CNBD1: variants seen among roughly 807,000 people sequenced by gnomAD.
CNBD1 encodes the protein cyclic nucleotide-binding domain-containing protein 1.
Under a neutral mutation model 54.4 loss-of-function variants are expected in CNBD1, and 71 were observed. The observed-to-expected ratio is 1.30, with a 90% CI of 1.08 to 1.59. The LOEUF is 1.59. CNBD1 is among the 40% of genes most tolerant of loss of function. The pLI is 0.00. For synonymous variants in CNBD1, 182 were observed against 170.7 expected, an observed-to-expected ratio of 1.07 and a Z score of -0.51; for missense variants, 659 against 518.0, an observed-to-expected ratio of 1.27 and a Z score of -2.64.
intron 2 of CNBD1, among the ~76,000 whole-genome samples, chr8:87,403,403 A>G (rs1807600740): frequency 6.6e-6 from 1 of 151,936 alleles, no homozygotes; most frequent in African/African-American, 2.4e-5. Context: ...GAGAAGAGTT[A>G]CCTCCACTTA....
intron 1 of CNBD1, among the ~76,000 whole-genome samples, chr8:86,870,330 A>T (rs1808425470): frequency 6.6e-6 from 1 of 151,772 alleles, no homozygotes; most frequent in South Asian, 2.1e-4. Context: ...CTGGGACTAC[A>T]GTATATGTTA....
intron 4 of CNBD1, among the ~76,000 whole-genome samples, chr8:86,976,887 A>G (rs976778915): frequency 1.3e-5 from 2 of 152,028 alleles, no homozygotes; most frequent in African/African-American, 4.8e-5. Context: ...GTGACCTACT[A>G]ATTTACTAAG....
chr8:87,081,211 C>T (rs190079514), intron 4 of CNBD1, among the ~76,000 whole-genome samples: 71 of 152,090 alleles, frequency 4.7e-4, no homozygotes, highest in African/African-American at 1.6e-3. Flanking sequence ...TTATCATTTT[C>T]ATTTTTTCCA....
At chr8:87,033,256 C>A (rs574850626) in intron 4 of CNBD1, among the ~76,000 whole-genome samples, 1 of 152,240 alleles carries the variant, frequency 6.6e-6, no homozygotes, top group African/African-American at 2.4e-5. Context: ...TCCTGATGAG[C>A]CCCTTGATCT....
intron 6 of CNBD1, among the ~76,000 whole-genome samples, chr8:87,260,594 AG>A (rs1322896893): frequency 6.6e-6 from 1 of 152,142 alleles, no homozygotes; most frequent in Non-Finnish European, 1.5e-5. Context: ...GGGAGAGAAA[AG>A]CCAGAAATCT....
chr8:87,364,689 G>C (rs1161619899), intron 10 of CNBD1, among the ~76,000 whole-genome samples: 1 of 151,210 alleles, frequency 6.6e-6, no homozygotes, highest in East Asian at 2.0e-4. Flanking sequence ...GTTCCCCTTT[G>C]TGCATTCATG....
chr8:87,317,924 A>G (rs1809432508), intron 8 of CNBD1, among the ~76,000 whole-genome samples: 1 of 151,714 alleles, frequency 6.6e-6, no homozygotes, highest in African/African-American at 2.4e-5. Context: ...GTCTTATTTT[A>G]GGTGAATTTC....
rs1047626869 is a variant in CNBD1 at position 87,289,288 on chromosome 8, G to C, written c.1042+2617G>C. On this transcript the variant is annotated intron_variant, in intron 8 of 10. Transcript: ENST00000518476. Reference sequence around the variant, plus strand: ...GCTTGTATCTGACTCTATTTGCTTTGTTAACTTCTTACATCTTCCTACTTT... The same window carrying C: ...GCTTGTATCTGACTCTATTTGCTTTCTTAACTTCTTACATCTTCCTACTTT... Among the ~76,000 whole-genome samples the C allele has an allele frequency of 4.6e-5, 7 of 152,176 alleles. No homozygotes were observed. The East Asian group carries it at 1.4e-3, about 29-fold the overall frequency.
chr8:87,386,079 A>T (rs1811178573), downstream of CNBD1, among the ~76,000 whole-genome samples: 1 of 152,148 alleles, frequency 6.6e-6, no homozygotes. Context: ...AGGAAAACTA[A>T]CAGAAAGGAC....
Position 87,382,836 on chromosome 8 carries a change from A to G in CNBD1, c.*209A>G. On this transcript the variant is annotated 3_prime_UTR_variant, in exon 11 of 11. Coordinates refer to ENST00000518476, the MANE Select transcript of CNBD1 (RefSeq NM_173538.3). Reference sequence around the variant, plus strand: ...TTTCTTGGTTTGGATACTAAAATAAATATAGTTATCATTGCTTGATTTACC... The same window carrying G: ...TTTCTTGGTTTGGATACTAAAATAAGTATAGTTATCATTGCTTGATTTACC... 2 of 434,944 alleles carry G rather than the reference A, an allele frequency of 4.6e-6. No individual in the cohort carries two copies. Among genetic ancestry groups the G allele is most frequent in the South Asian group, 5.9e-5 (1 of 16,810 alleles). The allele number at this position is 434,944 out of a possible 1,614,324, so 26.9% of individuals were successfully genotyped here. A position where few individuals can be genotyped will look rare whatever the true frequency, so the allele number is the denominator to read the frequency against.
intron 1 of CNBD1, among the ~76,000 whole-genome samples, chr8:86,885,261 T>A (rs1033979897): frequency 6.6e-6 from 1 of 152,204 alleles, no homozygotes; most frequent in Non-Finnish European, 1.5e-5. Context: ...ATCATCAATA[T>A]AACATTCAAA....
intron 6 of CNBD1, among the ~76,000 whole-genome samples, chr8:87,275,583 A>G (rs888655652): frequency 1.3e-5 from 2 of 151,826 alleles, no homozygotes; most frequent in African/African-American, 4.8e-5. Context: ...CAAAATAATA[A>G]GAGCTATCTG....
intron 5 of CNBD1, among the ~76,000 whole-genome samples, chr8:87,215,675 T>C (rs1008619415): frequency 1.3e-5 from 2 of 152,146 alleles, no homozygotes; most frequent in African/African-American, 4.8e-5. Flanking sequence ...TCTTTACATA[T>C]AGTAAAATTC....
chr8:86,988,027 G>A (rs1310099816), intron 4 of CNBD1, among the ~76,000 whole-genome samples: 1 of 152,064 alleles, frequency 6.6e-6, no homozygotes, highest in African/African-American at 2.4e-5. Flanking sequence ...GAGCAGGAAG[G>A]AAACTCTCCT....
intron 4 of CNBD1, among the ~76,000 whole-genome samples, chr8:87,095,647 T>A (rs1333089241): frequency 1.3e-5 from 2 of 152,154 alleles, no homozygotes; most frequent in Admixed American, 6.5e-5. Flanking sequence ...AATGACCATA[T>A]ATATATATCT....
rs1385866709 is a variant in CNBD1 at position 87,255,997 on chromosome 8, ATATATATATATATATATATTTTTTTTT to A, written c.771+18887_771+18913del. On this transcript the variant is annotated intron_variant, in intron 6 of 10. Transcript: ENST00000518476. ...AATATATATATATATATATATATATATATATATATATATATATATTTTTTTTTTTTTTTTTTTTTTTTTGAGACAGGG... is the reference window on the plus strand; with the variant it reads ...AATATATATATATATATATATATATATTTTTTTTTTTTTTTTGAGACAGGG... Among the ~76,000 whole-genome samples, 4 of 14,782 alleles carry A rather than the reference ATATATATATATATATATATTTTTTTTT, an allele frequency of 2.7e-4. 1 individual carries two copies. Among genetic ancestry groups the A allele is most frequent in the South Asian group, 2.3e-3 (1 of 444 alleles). The allele number at this position is 14,782 out of a possible 152,430, so 9.7% of individuals were successfully genotyped here.
chr8:86,941,748 G>T (rs1490022836), intron 4 of CNBD1, among the ~76,000 whole-genome samples: 2 of 152,180 alleles, frequency 1.3e-5, no homozygotes, highest in African/African-American at 4.8e-5. Context: ...CATGGTAGAA[G>T]GTGGTCCAAG....
chr8:86,938,494 A>G (rs1809591192), intron 3 of CNBD1, among the ~76,000 whole-genome samples: 3 of 152,236 alleles, frequency 2.0e-5, no homozygotes, highest in Admixed American at 6.5e-5. Flanking sequence ...ACAGTTCCAC[A>G]TGGCTGGGGA....
chr8:87,186,383 A>T (rs1563499899), intron 4 of CNBD1, among the ~76,000 whole-genome samples: 1 of 152,134 alleles, frequency 6.6e-6, no homozygotes, highest in Non-Finnish European at 1.5e-5. Flanking sequence ...TAGCCAATCT[A>T]ATCAAGCACC....
Sources: gnomAD v4.1 joint callset for allele counts (sites outside exome capture counted in the v4.1 genomes callset) on GRCh38, gnomAD v4.1.1 for gene constraint, MANE v1.5 for transcripts, NCBI Gene and HGNC (gene_info 2026-07-23, HGNC 2026-07-21) for gene names.